The following COL4A2 variants were observed in gnomAD, a reference collection of about 807,000 sequenced individuals.
COL4A2 encodes collagen type IV alpha 2 chain.
In COL4A2, 99 loss-of-function variants were observed where a neutral mutation model predicts 200.2. The observed-to-expected ratio is 0.49, with a 90% CI of 0.42 to 0.58. COL4A2 has a LOEUF of 0.58. Among genes scored for constraint, COL4A2 ranks in the 20% least tolerant of loss-of-function variants. COL4A2 has a pLI of 0.00. For missense variants in COL4A2, 1,950 were observed against 2,314.1 expected, an observed-to-expected ratio of 0.84 and a Z score of 3.23; for synonymous variants, 897 against 900.6, an observed-to-expected ratio of 1.00 and a Z score of 0.07.
At chr13:110,505,646 G>C (rs1201499902) in intron 45 of COL4A2, among the ~76,000 whole-genome samples, 2 of 152,202 alleles carry the variant, frequency 1.3e-5, no homozygotes, top group Non-Finnish European at 2.9e-5. Context: ...CAGAGCTGCT[G>C]TGCTGGAGGC....
At chr13:110,428,901 G>A (rs1880571901) in intron 7 of COL4A2, 2 of 255,734 alleles carry the variant, frequency 7.8e-6, no homozygotes, top group Non-Finnish European at 1.5e-5. Flanking sequence ...ACAAAATTCT[G>A]TCCATCACCA....
At chr13:110,372,144 T>C (rs973862787) in intron 4 of COL4A2, among the ~76,000 whole-genome samples, 2 of 152,174 alleles carry the variant, frequency 1.3e-5, no homozygotes, top group Non-Finnish European at 2.9e-5. Flanking sequence ...TGATGAATGA[T>C]TGACAACATC....
chr13:110,428,393 C>A, intron 6 of COL4A2, 74 bp from the exon 7 acceptor site: 1 of 851,998 alleles, frequency 1.2e-6, no homozygotes, highest in Non-Finnish European at 1.9e-6. Context: ...GAATATAAGA[C>A]TGTTTTATCT....
intron 4 of COL4A2, among the ~76,000 whole-genome samples, chr13:110,400,764 T>C (rs961591319): frequency 6.6e-5 from 10 of 152,260 alleles, no homozygotes; most frequent in African/African-American, 2.2e-4. Flanking sequence ...CCTAGATTTC[T>C]GCTTCCTATA....
intron 3 of COL4A2, among the ~76,000 whole-genome samples, chr13:110,327,989 AG>A (rs1368435214): frequency 1.3e-5 from 2 of 152,242 alleles, no homozygotes; most frequent in African/African-American, 4.8e-5. Context: ...TAAATGATGA[AG>A]TGATGTATAG....
At chr13:110,330,490 T>G (rs1369104430) in intron 3 of COL4A2, among the ~76,000 whole-genome samples, 1 of 152,070 alleles carries the variant, frequency 6.6e-6, no homozygotes, top group Non-Finnish European at 1.5e-5. Context: ...CTATTGAAAC[T>G]CCCCATCTGC....
At chr13:110,495,552 G>A in intron 40 of COL4A2, 85 bp downstream of exon 40, 1 of 1,517,002 alleles carries the variant, frequency 6.6e-7, no homozygotes, top group South Asian at 1.3e-5. Flanking sequence ...TCTATGGGGT[G>A]GGAGAGGCTG....
chr13:110,368,858 G>C (rs919122525), intron 4 of COL4A2, among the ~76,000 whole-genome samples: 1 of 120,572 alleles, frequency 8.3e-6, no homozygotes, highest in East Asian at 2.7e-4. Context: ...AGGGGGGGGG[G>C]GGGTTGAGCT....
rs917096141 is a variant in COL4A2 at position 110,322,924 on chromosome 13, C to T, written c.99+14801C>T. On this transcript the variant is annotated intron_variant, in intron 3 of 47. Coordinates refer to ENST00000360467, the MANE Select transcript of COL4A2 (RefSeq NM_001846.4). ...CAGCATGATCAGAGGCTACTGAGGC[C>T]GCCCGAGTCAGGTCAGCTGGAGCGG... Among the ~76,000 whole-genome samples, 17 of 152,306 alleles carry T rather than the reference C, an allele frequency of 1.1e-4. No homozygotes were observed. In the East Asian group the frequency reaches 1.7e-3, roughly 16 times the overall value.
At chr13:110,408,827 A>G (rs1434327704) in intron 4 of COL4A2, among the ~76,000 whole-genome samples, 1 of 118,712 alleles carries the variant, frequency 8.4e-6, no homozygotes, top group Non-Finnish European at 1.8e-5. Context: ...ACACACATGC[A>G]CACACACATA....
At chr13:110,456,442 T>TAGCA (rs148750475) in intron 20 of COL4A2, 7,640 of 312,202 alleles carry the variant, frequency 0.024, 127 homozygotes, top group Admixed American at 0.034. Context: ...CAGAAGTGTG[T>TAGCA]AGCAGTCTTG....
chr13:110,331,836 A>G (rs1357266816), intron 3 of COL4A2, among the ~76,000 whole-genome samples: 1 of 151,836 alleles, frequency 6.6e-6, no homozygotes, highest in African/African-American at 2.4e-5. Context: ...CCTTGTGCCC[A>G]TTTTCCTGTT....
intron 4 of COL4A2, among the ~76,000 whole-genome samples, chr13:110,403,257 GCTCT>G (rs1399356109): frequency 6.6e-6 from 1 of 152,274 alleles, no homozygotes; most frequent in Non-Finnish European, 1.5e-5. Flanking sequence ...TTTCAGTTCT[GCTCT>G]CTGTTTCTTG....
intron 4 of COL4A2, among the ~76,000 whole-genome samples, chr13:110,408,000 G>A (rs1011332648): frequency 1.2e-4 from 18 of 152,190 alleles, no homozygotes; most frequent in Non-Finnish European, 5.9e-5. Context: ...AGACAGAGGC[G>A]TCCAGGAGGG....
rs1336245354 is a variant in COL4A2, at chr13:110,431,187, G to T, written c.648+580G>T. Among the ~76,000 whole-genome samples the T allele has an allele frequency of 2.0e-5, 3 of 152,130 alleles. No individual in the cohort carries two copies. The East Asian group carries it at 5.8e-4, about 29-fold the overall frequency. ...TGGCCACTGCGAGAGCTCCTGACTC[G>T]CTCATTCCCCACATATGTTAGTAAT... On this transcript the variant is annotated intron_variant, in intron 10 of 47. Transcript: ENST00000360467.
rs148334428 is a variant in COL4A2, at chr13:110,444,976, A to C, written c.958-853A>C. Among the ~76,000 whole-genome samples the C allele has an allele frequency of 6.4e-3, 978 of 152,136 alleles. 8 individuals carry two copies. Among genetic ancestry groups the C allele is most frequent in the Middle Eastern group, 0.017 (5 of 294 alleles). On this transcript the variant is annotated intron_variant, in intron 16 of 47. Coordinates refer to ENST00000360467, the MANE Select transcript of COL4A2 (RefSeq NM_001846.4). ...AGCGATCCTCCCACCTCAGCCTCCC[A>C]AGTAGCTGGGACTGCAGGTGCCTGC...
In COL4A2 at chr13:110,385,989, G is replaced by C. The variant is rs867469007; in HGVS notation, c.180+28437G>C. Among the ~76,000 whole-genome samples the C allele has an allele frequency of 9.9e-3, 1,380 of 140,002 alleles. 235 individuals are homozygous for C. Among genetic ancestry groups the C allele is most frequent in the African/African-American group, 0.022 (783 of 35,970 alleles). 91.8% of individuals were successfully genotyped at this position (140,002 alleles called of 152,430 possible). ...TGGATGGGCCGTGGTCACAGCGTGT[G>C]GATGGGCCGTGGTCACAGCGTGTGG... On this transcript the variant is annotated intron_variant, in intron 4 of 47. Coordinates refer to ENST00000360467, the MANE Select transcript of COL4A2 (RefSeq NM_001846.4).
intron 45 of COL4A2, among the ~76,000 whole-genome samples, chr13:110,505,558 G>T (rs1228499069): frequency 6.6e-6 from 1 of 152,132 alleles, no homozygotes; most frequent in Non-Finnish European, 1.5e-5. Flanking sequence ...GGGAGAAAGG[G>T]CCATGACCAT....
chr13:110,347,473 A>C (rs537977099), intron 3 of COL4A2, among the ~76,000 whole-genome samples: 2 of 152,242 alleles, frequency 1.3e-5, no homozygotes, highest in African/African-American at 4.8e-5. Context: ...CCTTTGCTAC[A>C]TCATTCATGT....
Sources: gnomAD v4.1 joint callset for allele counts (sites outside exome capture counted in the v4.1 genomes callset) on GRCh38, gnomAD v4.1.1 for gene constraint, MANE v1.5 for transcripts, NCBI Gene and HGNC (gene_info 2026-07-23, HGNC 2026-07-21) for gene names.